CNTNAP2: variants seen among roughly 807,000 people sequenced by gnomAD.
CNTNAP2 encodes the protein contactin-associated protein-like 2.
CNTNAP2 carries 98 observed loss-of-function variants against 155.2 expected under a neutral mutation model. The observed-to-expected ratio is 0.63, with a 90% CI of 0.54 to 0.75. CNTNAP2 has a LOEUF of 0.75. Among genes scored for constraint, CNTNAP2 ranks in the 30% least tolerant of loss-of-function variants. The pLI is 0.00. For missense variants in CNTNAP2, 1,727 were observed against 1,688.1 expected, an observed-to-expected ratio of 1.02 and a Z score of -0.40; for synonymous variants, 651 against 631.2, an observed-to-expected ratio of 1.03 and a Z score of -0.47.
Position 147,297,903 on chromosome 7 carries a change from G to A in CNTNAP2, c.1349-2238G>A, listed in dbSNP as rs140986004. On this transcript the variant is annotated intron_variant, in intron 8 of 23. Transcript: ENST00000361727. ...ACATAGGAGTGCAGATATCTCTTCCGTGTACGTATTTTCTTCCTTTTGGGT... is the reference window on the plus strand; with the variant it reads ...ACATAGGAGTGCAGATATCTCTTCCATGTACGTATTTTCTTCCTTTTGGGT... 4.4e-3 allele frequency among the ~76,000 whole-genome samples: 675 copies of A among 152,246 alleles called. 2 individuals are homozygous for A. Among genetic ancestry groups the A allele is most frequent in the African/African-American group, 0.013 (557 of 41,540 alleles).
At chr7:147,702,410 A>G (rs968302145) in intron 13 of CNTNAP2, among the ~76,000 whole-genome samples, 4 of 152,184 alleles carry the variant, frequency 2.6e-5, no homozygotes, top group Admixed American at 6.5e-5. Context: ...TGTTATGACA[A>G]CAAACCTATT....
intron 4 of CNTNAP2, among the ~76,000 whole-genome samples, chr7:147,100,762 G>A (rs1333743385): frequency 1.3e-5 from 2 of 152,140 alleles, no homozygotes; most frequent in Non-Finnish European, 2.9e-5. Context: ...CTTTTGCCTT[G>A]TTTCAAACCT....
At chr7:146,976,975 A>T (rs575117990) in intron 3 of CNTNAP2, among the ~76,000 whole-genome samples, 1 of 152,264 alleles carries the variant, frequency 6.6e-6, no homozygotes, top group East Asian at 1.9e-4. Flanking sequence ...AGGCGGAGGA[A>T]GATTCCTGCC....
chr7:147,066,826 T>A (rs1799787602), intron 4 of CNTNAP2, among the ~76,000 whole-genome samples: 2 of 152,212 alleles, frequency 1.3e-5, no homozygotes, highest in African/African-American at 4.8e-5. Flanking sequence ...ATAGATTGGG[T>A]GATTGTAAAC....
intron 13 of CNTNAP2, among the ~76,000 whole-genome samples, chr7:147,858,680 A>G (rs972903082): frequency 5.9e-5 from 9 of 152,176 alleles, no homozygotes; most frequent in African/African-American, 2.2e-4. Flanking sequence ...TATCCTCATA[A>G]GAAAGACATG....
intron 9 of CNTNAP2, among the ~76,000 whole-genome samples, chr7:147,330,880 TGGAA>T (rs1305391349): frequency 9.9e-5 from 15 of 152,110 alleles, no homozygotes; most frequent in Admixed American, 5.9e-4. Flanking sequence ...GACACAAACT[TGGAA>T]GGAATATCTA....
rs149506328 is a variant in CNTNAP2 at position 148,217,384 on chromosome 7, C to A, written c.3107C>A (p.Ala1036Asp). Residue 1036 changes from alanine to aspartate, a missense_variant, in exon 19 of 24, where the codon GCT (alanine) becomes GAT (aspartate). Transcript: ENST00000361727. ...GACTCCAGCAGCAGAGTAGACAACG[C>A]TCCCGACCAGCAGAACTCCCACCCG... is the stretch of plus-strand genomic sequence containing the variant. ...ARDSSSRVDN[A>D]PDQQNSHPDL... The A allele has an allele frequency of 2.5e-6, 4 of 1,614,048 alleles. No individual in the cohort carries two copies. In the African/African-American group the frequency reaches 5.3e-5, roughly 22 times the overall value.
chr7:147,999,295 T>C (rs901839392), intron 15 of CNTNAP2, among the ~76,000 whole-genome samples: 1 of 152,052 alleles, frequency 6.6e-6, no homozygotes, highest in Non-Finnish European at 1.5e-5. Context: ...GTTGGCCAGA[T>C]GGTCTCCTGA....
At chr7:147,977,196 A>G (rs1393396969) in intron 14 of CNTNAP2, among the ~76,000 whole-genome samples, 1 of 152,194 alleles carries the variant, frequency 6.6e-6, no homozygotes, top group East Asian at 1.9e-4. Flanking sequence ...TTTAGGATGG[A>G]TACAGGGTAG....
chr7:147,650,769 C>T (rs1239511834), intron 13 of CNTNAP2, among the ~76,000 whole-genome samples: 1 of 151,944 alleles, frequency 6.6e-6, no homozygotes, highest in Non-Finnish European at 1.5e-5. Flanking sequence ...GGGGTTGGTG[C>T]CCCAACCCCT....
intron 15 of CNTNAP2, among the ~76,000 whole-genome samples, chr7:148,014,535 C>G (rs1802141655): frequency 6.6e-6 from 1 of 152,182 alleles, no homozygotes; most frequent in Admixed American, 6.5e-5. Context: ...TCAAACTCTA[C>G]TGATATAATG....
At chr7:146,739,179 G>A (rs929196378) in intron 1 of CNTNAP2, among the ~76,000 whole-genome samples, 2 of 151,448 alleles carry the variant, frequency 1.3e-5, no homozygotes, top group Admixed American at 6.6e-5. Flanking sequence ...TACTAACTTT[G>A]GACTTAGTTT....
chr7:147,587,384 C>G (rs923116490), intron 12 of CNTNAP2, among the ~76,000 whole-genome samples: 1 of 152,170 alleles, frequency 6.6e-6, no homozygotes, highest in Admixed American at 6.6e-5. Flanking sequence ...TCTGTGCAAA[C>G]CTCATAAGCC....
chr7:147,072,848 CTTTTTTTT>C (rs71165064), intron 4 of CNTNAP2, among the ~76,000 whole-genome samples: 16 of 93,684 alleles, frequency 1.7e-4, no homozygotes, highest in Non-Finnish European at 1.8e-4. Context: ...TTCCTTTATT[CTTTTTTTT>C]TTTTTTTTTT....
intron 1 of CNTNAP2, among the ~76,000 whole-genome samples, chr7:146,252,189 C>T (rs1799766133): frequency 6.6e-6 from 1 of 152,128 alleles, no homozygotes; most frequent in Non-Finnish European, 1.5e-5. Context: ...TATTCATTAG[C>T]CAAAGCAGCC....
At chr7:146,863,653 C>A (rs1795147246) in intron 3 of CNTNAP2, among the ~76,000 whole-genome samples, 1 of 152,064 alleles carries the variant, frequency 6.6e-6, no homozygotes, top group Non-Finnish European at 1.5e-5. Context: ...GCTTCCCCTT[C>A]CATTACTAGA....
chr7:147,597,784 CAA>C (rs1183824485), intron 12 of CNTNAP2, among the ~76,000 whole-genome samples: 1 of 152,162 alleles, frequency 6.6e-6, no homozygotes, highest in Non-Finnish European at 1.5e-5. Context: ...TTCAAATTTG[CAA>C]AGTTAGTTCC....
Position 147,297,715 on chromosome 7 carries a change from T to C in CNTNAP2, c.1349-2426T>C, listed in dbSNP as rs956101412. On this transcript the variant is annotated intron_variant, in intron 8 of 23. Coordinates refer to ENST00000361727, the MANE Select transcript of CNTNAP2 (RefSeq NM_014141.6). ...ATAGGGAATAGTGTGATCTCAGTTA[T>C]ACATTTATAAAGATAATACCACTTT... 2.0e-5 allele frequency among the ~76,000 whole-genome samples: 3 copies of C among 152,162 alleles called. No individual in the cohort carries two copies. In the East Asian group the frequency reaches 5.8e-4, roughly 29 times the overall value.
intron 1 of CNTNAP2, among the ~76,000 whole-genome samples, chr7:146,691,455 TC>T (rs1411830560): frequency 2.6e-5 from 4 of 152,084 alleles, no homozygotes; most frequent in African/African-American, 7.2e-5. Context: ...TAACACAAGT[TC>T]TATTATATAA....
Sources: gnomAD v4.1 joint callset for allele counts (sites outside exome capture counted in the v4.1 genomes callset) on GRCh38, gnomAD v4.1.1 for gene constraint, MANE v1.5 for transcripts, NCBI Gene and HGNC (gene_info 2026-07-23, HGNC 2026-07-21) for gene names.